DPP6: variants seen among roughly 807,000 people sequenced by gnomAD.
DPP6 encodes A-type potassium channel modulatory protein DPP6.
In DPP6, 69 loss-of-function variants were observed where a neutral mutation model predicts 122.6. The ratio of observed to expected loss-of-function variants is 0.56; its 90% CI spans 0.46 to 0.69. The LOEUF (loss-of-function observed/expected upper bound fraction) is 0.69, where lower values mean the gene tolerates loss of function less well. Ranked by LOEUF, DPP6 falls within the 30% of genes least tolerant of loss-of-function variation. The pLI is 0.00. For synonymous variants in DPP6, 418 were observed against 433.1 expected (o/e 0.97, Z 0.43); for missense variants, 928 against 1,116.9 (o/e 0.83, Z 2.41).
the DPP6 span, among the ~76,000 whole-genome samples, chr7:153,812,982 G>A: frequency 1.2e-4 from 18 of 151,968 alleles, no homozygotes; most frequent in Non-Finnish European, 2.4e-4. Context: ...GGTATAAAAC[G>A]CTGGAATCCT....
intron 7 of DPP6, among the ~76,000 whole-genome samples, chr7:154,673,602 A>T (rs534258978): frequency 6.6e-6 from 1 of 152,282 alleles, no homozygotes; most frequent in African/African-American, 2.4e-5. Context: ...AGTTTATGAC[A>T]AATGACAAGA....
chr7:153,951,740 AC>A (rs1802226501), intron 1 of DPP6, among the ~76,000 whole-genome samples: 1 of 152,168 alleles, frequency 6.6e-6, no homozygotes. Flanking sequence ...TTGCCTTGGA[AC>A]ATGATAATCA....
chr7:154,427,867 C>A (rs544549029), intron 1 of DPP6, among the ~76,000 whole-genome samples: 1 of 152,120 alleles, frequency 6.6e-6, no homozygotes, highest in Non-Finnish European at 1.5e-5. Flanking sequence ...CAGGTTAATT[C>A]CTAAAGAGTT....
intron 7 of DPP6, among the ~76,000 whole-genome samples, chr7:154,670,612 G>A (rs536485235): frequency 1.5e-4 from 23 of 152,320 alleles, no homozygotes; most frequent in African/African-American, 4.6e-4. Flanking sequence ...AAGGTCAGAT[G>A]ACATGGTTGC....
rs528085424 is a variant in DPP6 at position 154,422,061 on chromosome 7, C to T, written c.244-24153C>T. Among the ~76,000 whole-genome samples the T allele has an allele frequency of 3.9e-3, 599 of 152,300 alleles. 3 individuals carry two copies. The highest frequency in any genetic ancestry group is 6.8e-3 in the Non-Finnish European group (463 of 68,026). ...TTAGAATCGCAAGAAGTTGCTACCACCCTTTGGCCCAAGGGAGCAGTTAGT... is the reference window on the plus strand; with the variant it reads ...TTAGAATCGCAAGAAGTTGCTACCATCCTTTGGCCCAAGGGAGCAGTTAGT... On this transcript the variant is annotated intron_variant, in intron 1 of 25. Coordinates refer to ENST00000377770, the MANE Select transcript of DPP6 (RefSeq NM_130797.4).
chr7:154,578,140 A>G (rs1006633674), intron 5 of DPP6, among the ~76,000 whole-genome samples: 25 of 152,314 alleles, frequency 1.6e-4, no homozygotes, highest in African/African-American at 6.0e-4. Flanking sequence ...TTCTTGAAAC[A>G]GGTTAGGACA....
At chr7:153,760,252 A>G in the DPP6 span, among the ~76,000 whole-genome samples, 356 of 151,136 alleles carry the variant, frequency 2.4e-3, no homozygotes, top group African/African-American at 7.9e-3. Flanking sequence ...CTAGGATTTC[A>G]ATTTGGGTCT....
At chr7:153,925,311 G>T (rs1430652959) in intron 1 of DPP6, among the ~76,000 whole-genome samples, 3 of 151,932 alleles carry the variant, frequency 2.0e-5, no homozygotes, top group Non-Finnish European at 4.4e-5. Context: ...ATGGTGGAGG[G>T]TCCCCGAGGT....
intron 1 of DPP6, among the ~76,000 whole-genome samples, chr7:154,404,770 A>C (rs144636760): frequency 6.6e-6 from 1 of 152,322 alleles, no homozygotes; most frequent in Non-Finnish European, 1.5e-5. Context: ...CTGGAGAGGA[A>C]ATCAACCTTA....
intron 1 of DPP6, among the ~76,000 whole-genome samples, chr7:154,401,847 A>G (rs1815634369): frequency 6.6e-6 from 1 of 152,240 alleles, no homozygotes; most frequent in African/African-American, 2.4e-5. Flanking sequence ...CAGCCTACTC[A>G]TCTGACAAAG....
chr7:154,157,453 T>C (rs1796743304), intron 1 of DPP6, among the ~76,000 whole-genome samples: 1 of 152,204 alleles, frequency 6.6e-6, no homozygotes. Context: ...ATTGTCTTTT[T>C]CAAAGTAATG....
chr7:154,756,467 G>A (rs938737703), intron 8 of DPP6, among the ~76,000 whole-genome samples: 3 of 152,120 alleles, frequency 2.0e-5, no homozygotes, highest in African/African-American at 7.2e-5. Context: ...CTCTCACATC[G>A]ACAACCCAAT....
intron 22 of DPP6, among the ~76,000 whole-genome samples, chr7:154,886,195 G>T (rs1314031058): frequency 6.6e-6 from 1 of 152,338 alleles, no homozygotes. Context: ...AGGGATGGTT[G>T]GGAGGGAATT....
In DPP6 at chr7:154,892,850, C is replaced by A. The variant is rs774477355; in HGVS notation, c.*370C>A. On this transcript the variant is annotated 3_prime_UTR_variant, in exon 26 of 26. Coordinates refer to ENST00000377770, the MANE Select transcript of DPP6 (RefSeq NM_130797.4). ...CCAGCCACCAAGCGGAAGCATGAGA[C>A]CCGCCCACACTAGCCTCTGTGTTCC... 1.8e-6 allele frequency: 1 copy of A among 541,374 alleles called. No individual in the cohort carries two copies. Among genetic ancestry groups the A allele is most frequent in the Non-Finnish European group, 3.6e-6 (1 of 275,282 alleles). 33.5% of individuals were successfully genotyped at this position (541,374 alleles called of 1,614,324 possible). A position where few individuals can be genotyped will look rare whatever the true frequency, so the allele number is the denominator to read the frequency against.
chr7:154,000,949 G>A (rs1445254764), intron 1 of DPP6, among the ~76,000 whole-genome samples: 2 of 152,190 alleles, frequency 1.3e-5, no homozygotes, highest in Non-Finnish European at 2.9e-5. Context: ...CACCCTAAGG[G>A]CGAGGATAAG....
chr7:154,757,455 GA>G (rs1309150979), intron 8 of DPP6, among the ~76,000 whole-genome samples: 2 of 152,238 alleles, frequency 1.3e-5, no homozygotes, highest in Non-Finnish European at 2.9e-5. Flanking sequence ...AGACAATGCA[GA>G]ACCAAGATGG....
At chr7:154,640,035 T>C (rs1477498646) in intron 6 of DPP6, among the ~76,000 whole-genome samples, 2 of 152,150 alleles carry the variant, frequency 1.3e-5, no homozygotes, top group East Asian at 3.9e-4. Context: ...GCAGATCACT[T>C]GAGGTCAGGA....
intron 1 of DPP6, chr7:154,058,849 T>A (rs539014926): frequency 6.9e-6 from 1 of 144,168 alleles, no homozygotes; most frequent in African/African-American, 2.6e-5. Flanking sequence ...CCCTGGCTGT[T>A]AGTACCCCCA....
chr7:153,795,352 T>C, the DPP6 span, among the ~76,000 whole-genome samples: 1 of 152,168 alleles, frequency 6.6e-6, no homozygotes, highest in Non-Finnish European at 1.5e-5. Flanking sequence ...GAGGTGGAGG[T>C]TGCAGTGAGC....
Sources: gnomAD v4.1 joint callset for allele counts (sites outside exome capture counted in the v4.1 genomes callset) on GRCh38, gnomAD v4.1.1 for gene constraint, MANE v1.5 for transcripts, NCBI Gene and HGNC (gene_info 2026-07-23, HGNC 2026-07-21) for gene names.